The following ATP1A2 variants were observed in gnomAD, a reference collection of about 807,000 sequenced individuals.
The protein encoded by ATP1A2 is ATPase Na+/K+ transporting subunit alpha 2.
A neutral mutation model predicts 113.1 loss-of-function variants in ATP1A2; 56 were observed. The ratio of observed to expected loss-of-function variants is 0.49; its 90% CI spans 0.40 to 0.62. ATP1A2 has a LOEUF of 0.62. ATP1A2 is among the 20% of genes least tolerant of loss of function. The probability of loss-of-function intolerance (pLI) is 0.00; values close to 1 mark genes in which losing one functional copy is unlikely to be tolerated. For missense variants in ATP1A2, 712 were observed against 1,357.8 expected, an observed-to-expected ratio of 0.52 and a Z score of 7.47; for synonymous variants, 490 against 526.8, an observed-to-expected ratio of 0.93 and a Z score of 0.96.
intron 9 of ATP1A2, 61 bp downstream of exon 9, chr1:160,128,911 T>A (rs1444635771): frequency 1.2e-6 from 2 of 1,605,340 alleles, no homozygotes; most frequent in Non-Finnish European, 1.7e-6. Flanking sequence ...AGTGGCGTGG[T>A]GGGGTGAGTG....
intron 1 of ATP1A2, among the ~76,000 whole-genome samples, chr1:160,119,283 A>G (rs951936820): frequency 2.1e-5 from 3 of 139,580 alleles, no homozygotes. Context: ...AAAAAAAAAA[A>G]GCAAACACCT....
chr1:160,116,505 G>A (rs1293208023), intron 1 of ATP1A2, among the ~76,000 whole-genome samples: 3 of 147,184 alleles, frequency 2.0e-5, no homozygotes, highest in Non-Finnish European at 4.5e-5. Context: ...CCAAGCCATG[G>A]GCTTTGAGGA....
chr1:160,135,875 C>T lies in ATP1A2; in HGVS notation c.2321C>T (p.Ala774Val). The T allele has an allele frequency of 6.2e-7, 1 of 1,614,118 alleles. No individual in the cohort carries two copies. The highest frequency in any genetic ancestry group is 8.5e-7 in the Non-Finnish European group (1 of 1,180,042). ...TTTGACAACTTGAAGAAATCCATCG[C>T]CTACACCCTGACCAGCAACATCCCC... is the stretch of plus-strand genomic sequence containing the variant. ...LIFDNLKKSIAYTLTSNIPEI... is the reference protein window; with the variant it reads ...LIFDNLKKSIVYTLTSNIPEI... The change falls in exon 17 of 23, where the codon GCC (alanine) becomes GTC (valine). Residue 774 changes from alanine to valine, a missense_variant. This residue lies in a region of ATP1A2 where 188 missense variants were observed against 438.9 expected (regional missense o/e 0.43). Transcript: ENST00000361216. This position sits in a 1 kb window ranked among gnomAD's most constrained non-coding sequence, Gnocchi z 6.3.
At chr1:160,136,782 G>A (rs561025753) in intron 19 of ATP1A2, 67 bp downstream of exon 19, 3 of 1,614,022 alleles carry the variant, frequency 1.9e-6, no homozygotes, top group African/African-American at 2.7e-5. Context: ...CCTGGCAGGA[G>A]TGGCCAGTGG....
rs1453969483 is a variant in ATP1A2, at chr1:160,139,748, G to A, written c.2942+7G>A. 2 of 1,614,112 alleles carry A rather than the reference G, an allele frequency of 1.2e-6. No individual in the cohort carries two copies. Among genetic ancestry groups the A allele is most frequent in the African/African-American group, 2.7e-5 (2 of 75,064 alleles). ...TCCGCATGTACCCGCTCAAGTGAGT[G>A]TCTCTTTCGGGCGGCCTGAGTAGTC... On this transcript the variant is annotated splice_region_variant and intron_variant, in intron 21 of 22. Coordinates refer to ENST00000361216, the MANE Select transcript of ATP1A2 (RefSeq NM_000702.4).
chr1:160,122,027 GA>G (rs1407820189), intron 3 of ATP1A2, among the ~76,000 whole-genome samples: 2 of 152,158 alleles, frequency 1.3e-5, no homozygotes, highest in African/African-American at 2.4e-5. Flanking sequence ...ACCTACTCGA[GA>G]GGCTGAAGCA....
intron 13 of ATP1A2, among the ~76,000 whole-genome samples, chr1:160,132,431 G>A (rs1003976769): frequency 6.6e-6 from 1 of 152,158 alleles, no homozygotes; most frequent in Non-Finnish European, 1.5e-5. Flanking sequence ...GTCAGGGAGA[G>A]ACAGGTTAAG....
intron 17 of ATP1A2, 42 bp from the exon 18 acceptor site, chr1:160,136,205 C>A: frequency 6.2e-7 from 1 of 1,613,740 alleles, no homozygotes; most frequent in Non-Finnish European, 8.5e-7. Context: ...TCTCCTACGT[C>A]CCTTCAAATG....
rs200706103 is a variant in ATP1A2 at position 160,139,694 on chromosome 1, C to G, written c.2895C>G (p.Leu965=). 7.4e-6 allele frequency: 12 copies of G among 1,614,100 alleles called. No individual in the cohort carries two copies. The change falls in exon 21 of 23, where the codon CTC becomes CTG. Residue 965 remains leucine (L), a synonymous_variant. Transcript: ENST00000361216. ...LLEETALAAF[L]SYCPGMGVAL... is the part of the protein sequence containing the mutation. ...AGGAGACGGCGTTGGCTGCCTTTCT[C>G]TCTTACTGCCCAGGCATGGGTGTAG...
chr1:160,127,702 T>C lies in ATP1A2; in HGVS notation c.899T>C (p.Leu300Pro). The C allele has an allele frequency of 6.2e-7, 1 of 1,614,228 alleles. No homozygotes were observed. The highest frequency in any genetic ancestry group is 8.5e-7 in the Non-Finnish European group (1 of 1,180,032). Residue 300 changes from leucine to proline, a missense_variant, in exon 8 of 23, where the codon CTG (leucine) becomes CCG (proline). Physicochemically the swap from Leu to Pro is moderately conservative, Grantham distance 98 (BLOSUM62 -3). This residue lies in a region of ATP1A2 where 44 missense variants were observed against 153.1 expected (regional missense o/e 0.29). Transcript: ENST00000361216. ...CTGATCACAGGGGTCGCTGTATTCC[T>C]GGGGGTCTCCTTCTTCGTGCTCTCC... ...IQLITGVAVF[L>P]GVSFFVLSLI...
rs1652146430 is a variant in ATP1A2, at chr1:160,141,419, G to T, written c.*97G>T. On this transcript the variant is annotated 3_prime_UTR_variant, in exon 23 of 23. Transcript: ENST00000361216. Reference sequence around the variant, plus strand: ...GGGATGGAAATAACGGGTGGCATTGGGTGGCAACATTTGGGGAGAGATAAT... The same window carrying T: ...GGGATGGAAATAACGGGTGGCATTGTGTGGCAACATTTGGGGAGAGATAAT... The T allele has an allele frequency of 3.3e-6, 5 of 1,522,186 alleles. No homozygotes were observed. Among genetic ancestry groups the T allele is most frequent in the Non-Finnish European group, 3.6e-6 (4 of 1,098,614 alleles). 94.3% of individuals were successfully genotyped at this position (1,522,186 alleles called of 1,614,324 possible).
Position 160,123,374 on chromosome 1 carries a change from C to G in ATP1A2, c.339C>G (p.Tyr113Ter). 1 of 1,614,206 alleles carries G rather than the reference C, an allele frequency of 6.2e-7. No individual in the cohort carries two copies. The highest frequency in any genetic ancestry group is 8.5e-7 in the Non-Finnish European group (1 of 1,180,042). ...WIGAILCFLAYGIQAAMEDEP... is the reference protein window; with the variant it reads ...WIGAILCFLA ...GGGCTATCCTCTGCTTCCTGGCCTACGGCATCCAGGCTGCCATGGAGGATG... is the reference window on the plus strand; with the variant it reads ...GGGCTATCCTCTGCTTCCTGGCCTAGGGCATCCAGGCTGCCATGGAGGATG... Residue 113 changes from tyrosine (Y) to a stop codon, truncating the protein, a stop_gained, in exon 4 of 23, where the codon TAC becomes TAG. Transcript: ENST00000361216. LOFTEE classifies it high-confidence loss of function.
intron 3 of ATP1A2, among the ~76,000 whole-genome samples, chr1:160,122,467 T>A (rs1246829293): frequency 6.8e-6 from 1 of 147,594 alleles, no homozygotes. Flanking sequence ...GAGCTCAAAG[T>A]CTAGTAGCAG....
At chr1:160,123,891 C>G in intron 4 of ATP1A2, 52 bp from the exon 5 acceptor site, 1 of 1,550,960 alleles carries the variant, frequency 6.4e-7, no homozygotes, top group Non-Finnish European at 8.9e-7. Context: ...GGCAGCTGCC[C>G]CTTTAGGGTT....
rs796052273 is a variant in ATP1A2, at chr1:160,141,328, T to A, written c.*6T>A. 2 of 1,613,806 alleles carry A rather than the reference T, an allele frequency of 1.2e-6. No individual in the cohort carries two copies. Among genetic ancestry groups the A allele is most frequent in the Non-Finnish European group, 1.7e-6 (2 of 1,179,914 alleles). On this transcript the variant is annotated 3_prime_UTR_variant, in exon 23 of 23. Transcript: ENST00000361216. Reference sequence around the variant, plus strand: ...AGAAGGAGACATACTACTGACCCCATTGGAAGAAGAACCAGGCATGGAAAG... The same window carrying A: ...AGAAGGAGACATACTACTGACCCCAATGGAAGAAGAACCAGGCATGGAAAG...
Position 160,129,515 on chromosome 1 carries a change from C to T in ATP1A2, c.1461+115C>T, listed in dbSNP as rs140357363. 5,060 of 1,504,938 alleles carry T rather than the reference C, an allele frequency of 3.4e-3. 14 individuals are homozygous for T. Among genetic ancestry groups the T allele is most frequent in the Non-Finnish European group, 4.0e-3 (4,444 of 1,097,426 alleles). 93.2% of individuals were successfully genotyped at this position (1,504,938 alleles called of 1,614,324 possible). On this transcript the variant is annotated intron_variant, in intron 11 of 22. Coordinates refer to ENST00000361216, the MANE Select transcript of ATP1A2 (RefSeq NM_000702.4). ...TGGGGGTGTCTGAGGGTCATGTTCC[C>T]TCCCCCTGCTAAGTCCCCCAGGACA...
At chr1:160,136,440 C>A (rs1651951796) in intron 18 of ATP1A2, 70 bp downstream of exon 18, 4 of 1,612,292 alleles carry the variant, frequency 2.5e-6, no homozygotes, top group Non-Finnish European at 3.4e-6. Flanking sequence ...GAGGAATGAG[C>A]CCCAAGCAAA....
In ATP1A2 at chr1:160,135,405, G is replaced by A. The variant is rs780318491; in HGVS notation, c.2116-29G>A. 12 of 1,614,028 alleles carry A rather than the reference G, an allele frequency of 7.4e-6. No homozygotes were observed. In the East Asian group the frequency reaches 8.9e-5, roughly 12 times the overall value. On this transcript the variant is annotated intron_variant, in intron 15 of 22. Coordinates refer to ENST00000361216, the MANE Select transcript of ATP1A2 (RefSeq NM_000702.4). The surrounding 1 kb of genome is among the most constrained non-coding windows in gnomAD (Gnocchi z 6.3). ...GGAGCCAGGCTTGGGAAGGGGTTTC[G>A]TCCTCAAGTGTGGCCGTCTTCCCTC...
At chr1:160,137,929 G>A (rs1489593513) in intron 20 of ATP1A2, among the ~76,000 whole-genome samples, 4 of 152,140 alleles carry the variant, frequency 2.6e-5, no homozygotes, top group Admixed American at 6.5e-5. Flanking sequence ...CATGAAGGAA[G>A]GAGATTCCAG....
Sources: gnomAD v4.1 joint callset for allele counts (sites outside exome capture counted in the v4.1 genomes callset) on GRCh38, gnomAD v4.1.1 for gene constraint, gnomAD v4.1.1 regional missense constraint, Gnocchi (gnomAD v3.1) non-coding constraint, MANE v1.5 for transcripts, NCBI Gene and HGNC (gene_info 2026-07-23, HGNC 2026-07-21) for gene names.